Variants in FRMPD2 observed in about 807,000 individuals in gnomAD.
FRMPD2 encodes the protein FERM and PDZ domain containing 2.
A neutral mutation model predicts 140.1 loss-of-function variants in FRMPD2; 96 were observed. The observed-to-expected ratio is 0.69, with a 90% CI of 0.58 to 0.81. The LOEUF (loss-of-function observed/expected upper bound fraction) is 0.81, where lower values mean the gene tolerates loss of function less well. Among genes scored for constraint, FRMPD2 ranks in the 40% least tolerant of loss-of-function variants. The pLI, the probability that FRMPD2 is intolerant of heterozygous loss-of-function variation, is 0.00. For synonymous variants in FRMPD2, 449 were observed against 547.6 expected (o/e 0.82, Z 2.52); for missense variants, 1,240 against 1,447.4 (o/e 0.86, Z 2.32).
intron 11 of FRMPD2, 48 bp from the exon 12 acceptor site, chr10:48,222,499 G>T: frequency 6.2e-7 from 1 of 1,600,936 alleles, no homozygotes; most frequent in South Asian, 1.1e-5. Flanking sequence ...AAGGGAAAGG[G>T]AGAATGTTAG....
Position 48,240,488 on chromosome 10 carries a change from T to A in FRMPD2, c.572A>T (p.Glu191Val). ...GLVLGTISEV[E>V]KRVVEESSSV... Reference sequence around the variant, plus strand: ...GGAGCTTTCCTCCACAACTCTTTTCTCCACCTGGGGGTCAAGTGCATCACA... The same window carrying A: ...GGAGCTTTCCTCCACAACTCTTTTCACCACCTGGGGGTCAAGTGCATCACA... Residue 191 changes from glutamate to valine, a missense_variant, in exon 6 of 29, where the codon GAG (glutamate) becomes GTG (valine). By Grantham distance (121) the Glu-to-Val change is moderately radical. Around this residue, in one of 6 missense-constraint regions of FRMPD2, gnomAD observed 1,161 missense variants for 1,055.9 expected, o/e 1.10. Transcript: ENST00000374201. The A allele has an allele frequency of 1.2e-6, 2 of 1,613,718 alleles. No homozygotes were observed. The highest frequency in any genetic ancestry group is 1.7e-6 in the Non-Finnish European group (2 of 1,180,018).
In FRMPD2 at chr10:48,197,723, A is replaced by G. The variant is rs372989564; in HGVS notation, c.1954+3505T>C. Among the ~76,000 whole-genome samples the G allele has an allele frequency of 5.9e-5, 9 of 152,338 alleles. No individual in the cohort carries two copies. The East Asian group carries it at 1.2e-3, about 20-fold the overall frequency. On this transcript the variant is annotated intron_variant, in intron 15 of 28. Transcript: ENST00000374201. ...TATGGCCAAAGAAGAACTAATGCCTAGACATTGACAGCAGCTGTGGTAAAG... is the reference window on the plus strand; with the variant it reads ...TATGGCCAAAGAAGAACTAATGCCTGGACATTGACAGCAGCTGTGGTAAAG...
intron 9 of FRMPD2, among the ~76,000 whole-genome samples, chr10:48,235,392 G>C (rs1437259251): frequency 6.6e-6 from 1 of 152,218 alleles, no homozygotes; most frequent in African/African-American, 2.4e-5. Context: ...CACGTGCACT[G>C]ACCAGTTTGC....
chr10:48,238,817 A>G (rs1840028692), intron 7 of FRMPD2, among the ~76,000 whole-genome samples: 1 of 152,188 alleles, frequency 6.6e-6, no homozygotes, highest in African/African-American at 2.4e-5. Flanking sequence ...CCTGATCTGC[A>G]CCCTTTGCAA....
intron 13 of FRMPD2, among the ~76,000 whole-genome samples, chr10:48,209,848 T>A (rs1839278911): frequency 6.6e-6 from 1 of 152,226 alleles, no homozygotes; most frequent in Non-Finnish European, 1.5e-5. Context: ...AATAGTCCCA[T>A]ATTGGAAACC....
intron 15 of FRMPD2, 29 bp downstream of exon 15, chr10:48,201,199 T>C (rs1839076439): frequency 6.6e-7 from 1 of 1,519,048 alleles, no homozygotes; most frequent in Non-Finnish European, 8.9e-7. Context: ...CTTGTCAAAG[T>C]GTATATGGAG....
At position 48,257,803 on chromosome 10, in the gene FRMPD2, T is replaced by C. The variant is rs571843774; in HGVS notation, c.26-6112A>G. Among the ~76,000 whole-genome samples the C allele has an allele frequency of 8.5e-5, 13 of 152,312 alleles. No individual in the cohort carries two copies. In the South Asian group the frequency reaches 2.7e-3, roughly 32 times the overall value. ...CAGCGACCTCATGGAACTGCCCAAGTGCTCAGCACATAAAAGGTGATGAGC... is the reference window on the plus strand; with the variant it reads ...CAGCGACCTCATGGAACTGCCCAAGCGCTCAGCACATAAAAGGTGATGAGC... On this transcript the variant is annotated intron_variant, in intron 1 of 28. Coordinates refer to ENST00000374201, the MANE Select transcript of FRMPD2 (RefSeq NM_001018071.4).
At chr10:48,269,051 G>GA (rs35947494) in intron 1 of FRMPD2, among the ~76,000 whole-genome samples, 1 of 151,748 alleles carries the variant, frequency 6.6e-6, no homozygotes, top group Non-Finnish European at 1.5e-5. Flanking sequence ...TCATCAATTA[G>GA]AAAAAAACAA....
intron 1 of FRMPD2, among the ~76,000 whole-genome samples, chr10:48,259,576 T>A (rs61840508): frequency 0.14 from 21,878 of 152,150 alleles, 3,424 homozygotes; most frequent in African/African-American, 0.39. Context: ...TAATGTATTC[T>A]TAATCTGTTG....
intron 14 of FRMPD2, among the ~76,000 whole-genome samples, chr10:48,206,066 T>G (rs1839192399): frequency 6.6e-6 from 1 of 152,106 alleles, no homozygotes; most frequent in Non-Finnish European, 1.5e-5. Flanking sequence ...AGGTACTGAC[T>G]AAAACAACCA....
intron 4 of FRMPD2, among the ~76,000 whole-genome samples, chr10:48,243,398 C>A (rs1202597931): frequency 6.6e-6 from 1 of 152,172 alleles, no homozygotes; most frequent in African/African-American, 2.4e-5. Context: ...GATGAGCTGA[C>A]ATGCATCTGA....
intron 24 of FRMPD2, among the ~76,000 whole-genome samples, chr10:48,174,528 C>G (rs1483117352): frequency 6.6e-6 from 1 of 151,868 alleles, no homozygotes; most frequent in African/African-American, 2.4e-5. Flanking sequence ...ACAGGGCCAG[C>G]GGGGCTGGGG....
chr10:48,249,090 C>A lies in FRMPD2; in HGVS notation c.240G>T (p.Glu80Asp). 1.2e-6 allele frequency: 2 copies of A among 1,614,010 alleles called. No homozygotes were observed. The highest frequency in any genetic ancestry group is 1.7e-6 in the Non-Finnish European group (2 of 1,180,006). ...GTTCAGGGGCCTTGAAAGGAGCAGC[C>A]TCTATATGAGAAACACGGCCTTGGA... is the stretch of plus-strand genomic sequence containing the variant. ...LSFQGRVSHI[E>D]AAPFKAPELL... Residue 80 changes from glutamate (E) to aspartate (D), a missense_variant, in exon 3 of 29, where the codon GAG becomes GAT. Glu to Asp is a conservative substitution (Grantham distance 45). Transcript: ENST00000374201.
chr10:48,235,963 C>A (rs1839957252), intron 9 of FRMPD2, among the ~76,000 whole-genome samples: 1 of 152,132 alleles, frequency 6.6e-6, no homozygotes, highest in South Asian at 2.1e-4. Flanking sequence ...TCACAAGATG[C>A]CTCCCCAGAG....
intron 5 of FRMPD2, 113 bp downstream of exon 5, chr10:48,242,048 T>C: frequency 2.7e-6 from 2 of 752,954 alleles, no homozygotes; most frequent in Non-Finnish European, 4.1e-6. Flanking sequence ...CAGATGTGAC[T>C]GATTAATTTA....
rs541974957 is a variant in FRMPD2, at chr10:48,215,874, T to G, written c.1456-3765A>C. On this transcript the variant is annotated intron_variant, in intron 12 of 28. Transcript: ENST00000374201. ...GACTGGGCCATGGGGTGCCCAGATA[T>G]TTGGTCAAATATTCTGGGTGTGACT... Among the ~76,000 whole-genome samples, 3 of 152,280 alleles carry G rather than the reference T, an allele frequency of 2.0e-5. No homozygotes were observed. In the South Asian group the frequency reaches 6.2e-4, roughly 32 times the overall value.
chr10:48,209,850 T>C (rs1839278968), intron 13 of FRMPD2, among the ~76,000 whole-genome samples: 1 of 152,232 alleles, frequency 6.6e-6, no homozygotes. Context: ...TAGTCCCATA[T>C]TGGAAACCAT....
intron 1 of FRMPD2, among the ~76,000 whole-genome samples, chr10:48,254,326 C>T: frequency 6.6e-6 from 1 of 152,200 alleles, no homozygotes; most frequent in East Asian, 1.9e-4. Context: ...AGCAGGTAGG[C>T]CAAGATTTGT....
intron 27 of FRMPD2, among the ~76,000 whole-genome samples, chr10:48,168,076 C>T (rs1283145349): frequency 6.8e-6 from 1 of 147,796 alleles, no homozygotes; most frequent in Non-Finnish European, 1.5e-5. Context: ...TAAACACACA[C>T]ACACACACAC....
Sources: gnomAD v4.1 joint callset for allele counts (sites outside exome capture counted in the v4.1 genomes callset) on GRCh38, gnomAD v4.1.1 for gene constraint, gnomAD v4.1.1 regional missense constraint, MANE v1.5 for transcripts, NCBI Gene and HGNC (gene_info 2026-07-23, HGNC 2026-07-21) for gene names.